MRPL47: variants seen among roughly 807,000 people sequenced by gnomAD.
The protein encoded by MRPL47 is mitochondrial ribosomal protein L47, also known as large ribosomal subunit protein uL29m.
In MRPL47, 31 loss-of-function variants were observed where a neutral mutation model predicts 34.0. The ratio of observed to expected loss-of-function variants is 0.91; its 90% CI spans 0.68 to 1.23. MRPL47 has a LOEUF of 1.23. MRPL47 is among the 50% of genes most tolerant of loss of function. The probability of loss-of-function intolerance (pLI) is 0.00; values close to 1 mark genes in which losing one functional copy is unlikely to be tolerated. For synonymous variants in MRPL47, 106 were observed against 101.6 expected (o/e 1.04, Z -0.26); for missense variants, 328 against 285.8 (o/e 1.15, Z -1.07).
At chr3:179,596,413 T>C (rs986007425) in intron 4 of MRPL47, among the ~76,000 whole-genome samples, 7 of 152,202 alleles carry the variant, frequency 4.6e-5, no homozygotes, top group South Asian at 2.1e-4. Flanking sequence ...TATATGAAGT[T>C]TGAAAAAATT....
At chr3:179,589,675 T>A (rs1463956150) in intron 6 of MRPL47, among the ~76,000 whole-genome samples, 3 of 151,746 alleles carry the variant, frequency 2.0e-5, no homozygotes, top group African/African-American at 7.3e-5. Context: ...ACAAATGAGG[T>A]TTTGGGGGGA....
chr3:179,592,600 CTGG>C (rs1387719141), intron 6 of MRPL47, 41 bp downstream of exon 6: 3 of 1,160,934 alleles, frequency 2.6e-6, no homozygotes, highest in Non-Finnish European at 3.9e-6. Flanking sequence ...CATATGTCAT[CTGG>C]TATAAAGATA....
intron 3 of MRPL47, 122 bp downstream of exon 3, chr3:179,601,608 T>C (rs928369444): frequency 1.5e-6 from 1 of 646,988 alleles, no homozygotes; most frequent in Non-Finnish European, 2.8e-6. Flanking sequence ...AGATTTATCA[T>C]CCATAGTACT....
At chr3:179,601,580 T>G (rs1718926960) in intron 3 of MRPL47, 150 bp downstream of exon 3, 1 of 579,812 alleles carries the variant, frequency 1.7e-6, no homozygotes, top group Non-Finnish European at 3.1e-6. Context: ...TATAAAATCT[T>G]TCATGATCTT....
rs9846236 is a variant in MRPL47 at position 179,603,832 on chromosome 3, T to C, written c.98+695A>G. On this transcript the variant is annotated intron_variant, in intron 1 of 6. Coordinates refer to ENST00000476781, the MANE Select transcript of MRPL47 (RefSeq NM_020409.3). ...AAAATAGTTAACGACCTGAGATGAT[T>C]TGAAACTAAATAATGAAGTTTATCA... Among the ~76,000 whole-genome samples, 1,202 of 152,290 alleles carry C rather than the reference T, an allele frequency of 7.9e-3. 19 individuals are homozygous for C. Among genetic ancestry groups the C allele is most frequent in the African/African-American group, 0.028 (1,143 of 41,540 alleles).
chr3:179,599,954 C>T (rs746194782), intron 3 of MRPL47, among the ~76,000 whole-genome samples: 3 of 151,708 alleles, frequency 2.0e-5, no homozygotes, highest in Non-Finnish European at 2.9e-5. Context: ...GGTGAAACCC[C>T]GTCTCTACTA....
rs1418382942 is a variant in MRPL47, at chr3:179,598,670, C to G, written c.402+5G>C. The G allele has an allele frequency of 1.3e-6, 2 of 1,596,712 alleles. No homozygotes were observed. The highest frequency in any genetic ancestry group is 3.3e-5 in the Admixed American group (2 of 59,954). The stretch of plus-strand genomic sequence containing the variant: ...TACCAGTCTCCAGCCTCTCCCAATC[C>G]TTACCTTATCTAACCGCTCTGGACT... On this transcript the variant is annotated splice_donor_5th_base_variant and intron_variant, in intron 4 of 6. Coordinates refer to ENST00000476781, the MANE Select transcript of MRPL47 (RefSeq NM_020409.3).
chr3:179,601,195 T>C (rs1248695923), intron 3 of MRPL47, among the ~76,000 whole-genome samples: 1 of 152,158 alleles, frequency 6.6e-6, no homozygotes, highest in Admixed American at 6.5e-5. Context: ...GAGGATCACT[T>C]GAGCCCCAGT....
chr3:179,599,508 G>A lies in MRPL47; in HGVS notation c.306-737C>T, dbSNP rs535335346. On this transcript the variant is annotated intron_variant, in intron 3 of 6. Transcript: ENST00000476781. Reference sequence around the variant, plus strand: ...CCACTTACTTAACGAAGAAGCTAAGGCTGAGAGAAGTAAGGTATTCTGGGT... The same window carrying A: ...CCACTTACTTAACGAAGAAGCTAAGACTGAGAGAAGTAAGGTATTCTGGGT... Among the ~76,000 whole-genome samples, 13 of 152,326 alleles carry A rather than the reference G, an allele frequency of 8.5e-5. 1 individual carries two copies. Among genetic ancestry groups the A allele is most frequent in the Admixed American group, 3.9e-4 (6 of 15,298 alleles).
In MRPL47 at chr3:179,602,800, G is replaced by T. The variant is rs201531319; in HGVS notation, c.99-3C>A. The T allele has an allele frequency of 1.4e-5, 22 of 1,598,502 alleles. No homozygotes were observed. The highest frequency in any genetic ancestry group is 2.6e-6 in the Non-Finnish European group (3 of 1,175,406). On this transcript the variant is annotated splice_region_variant and splice_polypyrimidine_tract_variant and intron_variant, in intron 1 of 6. Transcript: ENST00000476781. ...TAGGCAACAAACTAAGAAAAAACCT[G>T]CAATTGAACACACATAAACAAGTAA...
At chr3:179,599,510 T>TGA (rs1308467343) in intron 3 of MRPL47, among the ~76,000 whole-genome samples, 1 of 152,260 alleles carries the variant, frequency 6.6e-6, no homozygotes. Context: ...AAGCTAAGGC[T>TGA]GAGAGAAGTA....
At chr3:179,598,425 C>CACACACACA (rs1718841949) in intron 4 of MRPL47, among the ~76,000 whole-genome samples, 1 of 125,910 alleles carries the variant, frequency 7.9e-6, no homozygotes, top group African/African-American at 3.2e-5. Context: ...CACACACACA[C>CACACACACA]AAACAAAAAA....
chr3:179,593,659 ATAT>A, intron 5 of MRPL47, 103 bp downstream of exon 5: 3 of 1,014,822 alleles, frequency 3.0e-6, no homozygotes, highest in Non-Finnish European at 4.2e-6. Flanking sequence ...CATATCTCTA[ATAT>A]TATCTCATAT....
chr3:179,604,400 T>C (rs1331108815), intron 1 of MRPL47, 127 bp downstream of exon 1: 5 of 804,258 alleles, frequency 6.2e-6, no homozygotes, highest in South Asian at 3.3e-5. Context: ...CTCACCAAAG[T>C]GGGCTCCGGC....
chr3:179,589,007 AAAG>A lies in MRPL47; in HGVS notation c.630-15_630-13del, dbSNP rs759673957. 1.9e-6 allele frequency: 3 copies of A among 1,592,118 alleles called. No homozygotes were observed. In the East Asian group the frequency reaches 6.7e-5, roughly 36 times the overall value. On this transcript the variant is annotated splice_polypyrimidine_tract_variant and intron_variant, in intron 6 of 6. Coordinates refer to ENST00000476781, the MANE Select transcript of MRPL47 (RefSeq NM_020409.3). ...TCTCACGTTCCAGTCTAGAATAAAA[AAAG>A]CGTAACAGCAATTTATACAAAAATA... is the stretch of plus-strand genomic sequence containing the variant.
chr3:179,601,360 C>T (rs1466267808), intron 3 of MRPL47, among the ~76,000 whole-genome samples: 1 of 152,142 alleles, frequency 6.6e-6, no homozygotes, highest in African/African-American at 2.4e-5. Flanking sequence ...TAAGCCGTTA[C>T]TGTACCACTG....
intron 6 of MRPL47, among the ~76,000 whole-genome samples, chr3:179,590,627 GAA>G (rs1290134356): frequency 2.6e-5 from 4 of 151,624 alleles, no homozygotes; most frequent in Admixed American, 2.0e-4. Flanking sequence ...ATACTGGGAG[GAA>G]AAGAGTTTAA....
intron 4 of MRPL47, among the ~76,000 whole-genome samples, chr3:179,597,277 T>C (rs1718808946): frequency 6.6e-6 from 1 of 152,232 alleles, no homozygotes; most frequent in African/African-American, 2.4e-5. Context: ...TGAGGTTTCA[T>C]TTTATACCTT....
chr3:179,590,710 A>G (rs1279610376), intron 6 of MRPL47, among the ~76,000 whole-genome samples: 2 of 152,100 alleles, frequency 1.3e-5, no homozygotes, highest in African/African-American at 4.8e-5. Flanking sequence ...AAAAAAAAAA[A>G]AAAGTCTTGA....
Sources: allele counts gnomAD v4.1 joint callset (sites outside exome capture counted in the v4.1 genomes callset), GRCh38; gene constraint gnomAD v4.1.1; transcripts MANE v1.5; gene names NCBI Gene and HGNC (gene_info 2026-07-23, HGNC 2026-07-21).